Variants in IP6K3 observed in about 807,000 individuals in gnomAD.
The protein encoded by IP6K3 is ATP:1D-myo-inositol-hexakisphosphate phosphotransferase.
Under a neutral mutation model 28.8 loss-of-function variants are expected in IP6K3, and 20 were observed. The observed-to-expected ratio is 0.70, with a 90% CI of 0.49 to 1.01. The LOEUF (loss-of-function observed/expected upper bound fraction) is 1.01, where lower values mean the gene tolerates loss of function less well. Ranked by LOEUF, IP6K3 falls within the 50% of genes least tolerant of loss-of-function variation. The pLI is 0.00. For missense variants in IP6K3, 480 were observed against 537.1 expected, an observed-to-expected ratio of 0.89 and a Z score of 1.05; for synonymous variants, 213 against 221.3, an observed-to-expected ratio of 0.96 and a Z score of 0.33.
chr6:33,727,730 A>G (rs1561901274), intron 3 of IP6K3: 3 of 689,316 alleles, frequency 4.4e-6, no homozygotes, highest in African/African-American at 2.0e-5. Context: ...CTTTTCCTCT[A>G]CATACACTAT....
At chr6:33,737,259 C>T (rs975346054) in intron 1 of IP6K3, among the ~76,000 whole-genome samples, 4 of 152,214 alleles carry the variant, frequency 2.6e-5, no homozygotes, top group Non-Finnish European at 5.9e-5. Flanking sequence ...GAAGGAGACA[C>T]TGCAAGGGGA....
intron 2 of IP6K3, among the ~76,000 whole-genome samples, chr6:33,734,725 C>G (rs1174387214): frequency 2.0e-5 from 3 of 152,250 alleles, no homozygotes; most frequent in African/African-American, 7.2e-5. Context: ...AGATCCAAGA[C>G]ACATGCTGCC....
In IP6K3 at chr6:33,746,388, G is replaced by A. The variant is rs1196918218; in HGVS notation, c.-180+370C>T. 6.6e-6 allele frequency among the ~76,000 whole-genome samples: 1 copy of A among 152,082 alleles called. No homozygotes were observed. Among genetic ancestry groups the A allele is most frequent in the Non-Finnish European group, 1.5e-5 (1 of 67,988 alleles). ...TCTGTTAAGGGTTAACGCAGCCCCC[G>A]GTACTTGCCCCTCCCCCCAGCTTCC... On this transcript the variant is annotated intron_variant, in intron 1 of 5. Transcript: ENST00000293756. The surrounding 1 kb of genome is among the most constrained non-coding windows in gnomAD (Gnocchi z 6.5).
intron 3 of IP6K3, 105 bp downstream of exon 3, chr6:33,727,982 T>C (rs1766178242): frequency 1.0e-5 from 15 of 1,486,592 alleles, no homozygotes; most frequent in Non-Finnish European, 1.3e-5. Flanking sequence ...TTTCTTTTTC[T>C]CAGCACCAGC....
chr6:33,743,207 C>T (rs1438256841), intron 1 of IP6K3, among the ~76,000 whole-genome samples: 1 of 152,094 alleles, frequency 6.6e-6, no homozygotes, highest in Non-Finnish European at 1.5e-5. Flanking sequence ...GACCACATCC[C>T]GATAAATCTT....
Position 33,742,446 on chromosome 6 carries a change from G to A in IP6K3, c.-180+4312C>T, listed in dbSNP as rs577435996. ...GAAGCTGCACCTGACTGGGCAGCAAGAACCGCACACCCAGGGGCAGCATGC... is the reference window on the plus strand; with the variant it reads ...GAAGCTGCACCTGACTGGGCAGCAAAAACCGCACACCCAGGGGCAGCATGC... On this transcript the variant is annotated intron_variant, in intron 1 of 5. Coordinates refer to ENST00000293756, the MANE Select transcript of IP6K3 (RefSeq NM_054111.5). This position sits in a 1 kb window ranked among gnomAD's most constrained non-coding sequence, Gnocchi z 4.5. 1.1e-4 allele frequency among the ~76,000 whole-genome samples: 17 copies of A among 152,262 alleles called. No homozygotes were observed. Among genetic ancestry groups the A allele is most frequent in the Non-Finnish European group, 2.5e-4 (17 of 68,010 alleles).
rs1173884424 is a variant in IP6K3 at position 33,729,794 on chromosome 6, A to T, written c.200-1494T>A. Reference sequence around the variant, plus strand: ...AGTGGCGCAATCTCGGCTCACTGCAACCTCCGCCTCCCGGGTTCAAGCAGT... The same window carrying T: ...AGTGGCGCAATCTCGGCTCACTGCATCCTCCGCCTCCCGGGTTCAAGCAGT... On this transcript the variant is annotated intron_variant, in intron 2 of 5. Transcript: ENST00000293756. Among the ~76,000 whole-genome samples, 5 of 150,952 alleles carry T rather than the reference A, an allele frequency of 3.3e-5. 1 individual carries two copies. Among genetic ancestry groups the T allele is most frequent in the Non-Finnish European group, 7.4e-5 (5 of 67,746 alleles).
chr6:33,748,852 T>C (rs771149591), upstream of IP6K3, among the ~76,000 whole-genome samples: 3 of 151,534 alleles, frequency 2.0e-5, no homozygotes, highest in Non-Finnish European at 4.4e-5. Flanking sequence ...TGGTTTAAAG[T>C]GGGGTGGGGA....
rs1419139123 is a variant in IP6K3 at position 33,722,736 on chromosome 6, A to T, written c.1217T>A (p.Ile406Asn). ...LENLIRILQD[I>N]QEGE is the part of the protein sequence containing the mutation. ...CAGGAAGTTTCATTCTCCCTCTTGG[A>T]TATCCTGCAGGATCCTGATGAGGTT... The change falls in exon 6 of 6, where the codon ATC becomes AAC. Residue 406 changes from isoleucine (I) to asparagine (N), a missense_variant. Physicochemically the swap from Ile to Asn is moderately radical, Grantham distance 149 (BLOSUM62 -3). Transcript: ENST00000293756. 6.2e-7 allele frequency: 1 copy of T among 1,607,710 alleles called. No individual in the cohort carries two copies. Among genetic ancestry groups the T allele is most frequent in the Admixed American group, 1.7e-5 (1 of 59,296 alleles).
upstream of IP6K3, among the ~76,000 whole-genome samples, chr6:33,749,571 TGACTAGGAA>T (rs1561914348): frequency 6.7e-6 from 1 of 149,028 alleles, no homozygotes; most frequent in Non-Finnish European, 1.5e-5. Flanking sequence ...ATGGCCCCAC[TGACTAGGAA>T]GCAGCAGGGG....
the IP6K3 span, among the ~76,000 whole-genome samples, chr6:33,754,610 C>A: frequency 6.6e-6 from 1 of 152,180 alleles, no homozygotes; most frequent in Non-Finnish European, 1.5e-5. Flanking sequence ...CACACACTGT[C>A]CCCTGGCAGC....
chr6:33,722,451 C>A lies in IP6K3; in HGVS notation c.*269G>T, dbSNP rs1421206046. On this transcript the variant is annotated 3_prime_UTR_variant, in exon 6 of 6. Coordinates refer to ENST00000293756, the MANE Select transcript of IP6K3 (RefSeq NM_054111.5). The stretch of plus-strand genomic sequence containing the variant: ...GCTGGCCTCTAACTTGGGCTGCCCC[C>A]TCCAGTGTACTCCAGAAGGTGCCAC... The A allele has an allele frequency of 3.3e-6, 1 of 304,202 alleles. No individual in the cohort carries two copies. Among genetic ancestry groups the A allele is most frequent in the Non-Finnish European group, 6.1e-6 (1 of 164,748 alleles). The allele number at this position is 304,202 out of a possible 1,614,324, so 18.8% of individuals were successfully genotyped here.
the IP6K3 span, among the ~76,000 whole-genome samples, chr6:33,753,999 C>T: frequency 2.6e-5 from 4 of 152,098 alleles, no homozygotes; most frequent in East Asian, 3.9e-4. Context: ...TTAGTAGAGA[C>T]GGGGTTTCAC....
At chr6:33,726,685 GTCGCC>G in intron 4 of IP6K3, 41 bp downstream of exon 4, 1 of 1,510,810 alleles carries the variant, frequency 6.6e-7, no homozygotes, top group South Asian at 1.3e-5. Context: ...GTGTCTCTCT[GTCGCC>G]CCGCCCTTGG....
intron 2 of IP6K3, among the ~76,000 whole-genome samples, chr6:33,733,940 C>T (rs971962050): frequency 1.6e-4 from 25 of 152,332 alleles, no homozygotes; most frequent in Admixed American, 7.2e-4. Context: ...CAGTGGCTCA[C>T]GCCTGTAATC....
chr6:33,741,642 T>A (rs777895674), intron 1 of IP6K3, among the ~76,000 whole-genome samples: 10 of 29,002 alleles, frequency 3.4e-4, no homozygotes, highest in Non-Finnish European at 5.4e-4. Flanking sequence ...CGAGACTCCA[T>A]CTCAAAAAAA....
At chr6:33,754,243 G>A in the IP6K3 span, among the ~76,000 whole-genome samples, 1 of 152,092 alleles carries the variant, frequency 6.6e-6, no homozygotes, top group Non-Finnish European at 1.5e-5. Context: ...CTCCTGCTGG[G>A]GGTTGGACTT....
At chr6:33,759,909 C>T in the IP6K3 span, among the ~76,000 whole-genome samples, 3 of 151,904 alleles carry the variant, frequency 2.0e-5, no homozygotes, top group Non-Finnish European at 4.4e-5. Context: ...AAACAGAAGC[C>T]CCTAGTATAT....
intron 1 of IP6K3, among the ~76,000 whole-genome samples, chr6:33,745,097 G>A (rs1388486018): frequency 1.3e-5 from 2 of 152,270 alleles, no homozygotes; most frequent in African/African-American, 4.8e-5. Context: ...CCGCGGGCCA[G>A]CACGCGCTGC....
Sources: allele counts gnomAD v4.1 joint callset (sites outside exome capture counted in the v4.1 genomes callset), GRCh38; gene constraint gnomAD v4.1.1; non-coding constraint Gnocchi (gnomAD v3.1); transcripts MANE v1.5; gene names NCBI Gene and HGNC (gene_info 2026-07-23, HGNC 2026-07-21).